The following SLC6A9 variants were observed in gnomAD, a reference collection of about 807,000 sequenced individuals.
SLC6A9 encodes the protein sodium- and chloride-dependent glycine transporter 1.
In SLC6A9, 31 loss-of-function variants were observed where a neutral mutation model predicts 70.9. That is an observed-to-expected ratio of 0.44 (90% CI 0.33 to 0.59). The LOEUF (loss-of-function observed/expected upper bound fraction) is 0.59. Among genes scored for constraint, SLC6A9 ranks in the 20% least tolerant of loss-of-function variants. The probability of loss-of-function intolerance (pLI) is 0.04; values close to 1 mark genes in which losing one functional copy is unlikely to be tolerated. For synonymous variants in SLC6A9, 310 were observed against 341.3 expected (o/e 0.91, Z 1.01); for missense variants, 631 against 845.2 (o/e 0.75, Z 3.14).
chr1:44,010,058 A>C lies in SLC6A9; in HGVS notation c.226T>G (p.Cys76Gly). The C allele has an allele frequency of 6.2e-7, 1 of 1,614,126 alleles. No individual in the cohort carries two copies. Among genetic ancestry groups the C allele is most frequent in the Non-Finnish European group, 8.5e-7 (1 of 1,179,982 alleles). ...TCCATGAAGAAGAGGGGGATCCCGCAGAAGATGAGCATGATGAAGTAGGGG... is the reference window on the plus strand; with the variant it reads ...TCCATGAAGAAGAGGGGGATCCCGCCGAAGATGAGCATGATGAAGTAGGGG... ...MFPYFIMLIF[C>G]GIPLFFMELS... is the part of the protein sequence containing the mutation. The change falls in exon 4 of 14, where the codon TGC becomes GGC. Residue 76 changes from cysteine (C) to glycine (G), a missense_variant. Cys to Gly is a radical substitution (Grantham distance 159, BLOSUM62 -3). Coordinates refer to ENST00000372310, the MANE Select transcript of SLC6A9 (RefSeq NM_001024845.3).
rs1272067826 is a variant in SLC6A9 at position 44,013,159 on chromosome 1, G to C, written c.31-2277C>G. Among the ~76,000 whole-genome samples, 1 of 152,252 alleles carries C rather than the reference G, an allele frequency of 6.6e-6. No homozygotes were observed. Among genetic ancestry groups the C allele is most frequent in the Non-Finnish European group, 1.5e-5 (1 of 68,046 alleles). On this transcript the variant is annotated intron_variant, in intron 2 of 13. Coordinates refer to ENST00000372310, the MANE Select transcript of SLC6A9 (RefSeq NM_001024845.3). The surrounding 1 kb of genome is among the most constrained non-coding windows in gnomAD (Gnocchi z 5.3). ...TGTAAAAGGGACAACTGATGGTCCA[G>C]GATGGACCCATGGGCAGGGTAAGGG...
Position 44,002,431 on chromosome 1 carries a change from C to G in SLC6A9, c.859-15G>C, listed in dbSNP as rs369241038. 1 of 1,613,520 alleles carries G rather than the reference C, an allele frequency of 6.2e-7. No homozygotes were observed. The highest frequency in any genetic ancestry group is 8.5e-7 in the Non-Finnish European group (1 of 1,179,444). On this transcript the variant is annotated splice_polypyrimidine_tract_variant and intron_variant, in intron 7 of 13. Coordinates refer to ENST00000372310, the MANE Select transcript of SLC6A9 (RefSeq NM_001024845.3). The surrounding 1 kb of genome is among the most constrained non-coding windows in gnomAD (Gnocchi z 5.5). ...TCACCCCACACCTGCAGGGAAGGAC[C>G]GGTGGGTGAGGAGCTGTGGGCAGAG...
rs573181848 is a variant in SLC6A9 at position 43,997,513 on chromosome 1, T to G, written c.*32A>C. Reference sequence around the variant, plus strand: ...CAGTCTCTGCGGTGGGAGCACGGGGTGGGGGTGGGGCCACTCCCCTGGCAG... The same window carrying G: ...CAGTCTCTGCGGTGGGAGCACGGGGGGGGGGTGGGGCCACTCCCCTGGCAG... On this transcript the variant is annotated 3_prime_UTR_variant, in exon 14 of 14. Transcript: ENST00000372310. This position sits in a 1 kb window ranked among gnomAD's most constrained non-coding sequence, Gnocchi z 4.4. 80 of 1,549,346 alleles carry G rather than the reference T, an allele frequency of 5.2e-5. No homozygotes were observed. The highest frequency in any genetic ancestry group is 5.9e-5 in the Non-Finnish European group (66 of 1,126,778).
In SLC6A9 at chr1:43,997,657, A is replaced by C. The variant is rs1386126975; in HGVS notation, c.1790T>G (p.Ile597Arg). The change falls in exon 14 of 14, where the codon ATA (isoleucine) becomes AGA (arginine). Residue 597 changes from isoleucine to arginine, a missense_variant. Coordinates refer to ENST00000372310, the MANE Select transcript of SLC6A9 (RefSeq NM_001024845.3). The surrounding 1 kb of genome is among the most constrained non-coding windows in gnomAD (Gnocchi z 4.4). Reference protein sequence around the residue: ...EHRTGRYAPTIAPSPEDGFEV... With the variant: ...EHRTGRYAPTRAPSPEDGFEV... ...GAAGCCGTCCTCAGGAGAGGGGGCT[A>C]TGGTGGGGGCGTAGCGCCCTGTCCG... The C allele has an allele frequency of 1.2e-6, 2 of 1,613,796 alleles. No homozygotes were observed. The highest frequency in any genetic ancestry group is 1.7e-6 in the Non-Finnish European group (2 of 1,179,942).
chr1:43,997,612 G>C lies in SLC6A9; in HGVS notation c.1835C>G (p.Pro612Arg). The change falls in exon 14 of 14, where the codon CCG becomes CGG. Residue 612 changes from proline to arginine, a missense_variant. By Grantham distance (103) the Pro-to-Arg change is moderately radical (BLOSUM62 -2). Transcript: ENST00000372310. The surrounding 1 kb of genome is among the most constrained non-coding windows in gnomAD (Gnocchi z 4.4). ...CACAATGGGGATCTGCGCCTTGTCC[G>C]GGTGCAGTGGCTGGACCTCGAAGCC... ...EDGFEVQPLHPDKAQIPIVGS... is the reference protein window; with the variant it reads ...EDGFEVQPLHRDKAQIPIVGS... The C allele has an allele frequency of 6.2e-7, 1 of 1,613,994 alleles. No individual in the cohort carries two copies. Among genetic ancestry groups the C allele is most frequent in the Non-Finnish European group, 8.5e-7 (1 of 1,180,004 alleles).
intron 1 of SLC6A9, among the ~76,000 whole-genome samples, chr1:44,025,584 G>A (rs907457482): frequency 7.2e-5 from 11 of 151,790 alleles, no homozygotes; most frequent in African/African-American, 2.7e-4. Flanking sequence ...TGGATTACCT[G>A]AGCTCAGGAG....
At chr1:44,006,736 C>G (rs1419894639) in intron 5 of SLC6A9, among the ~76,000 whole-genome samples, 1 of 152,086 alleles carries the variant, frequency 6.6e-6, no homozygotes, top group African/African-American at 2.4e-5. Context: ...CTGAGTCTGC[C>G]CATGCCCCTC....
intron 1 of SLC6A9, among the ~76,000 whole-genome samples, chr1:44,030,962 G>A (rs1470152341): frequency 1.3e-5 from 2 of 151,806 alleles, no homozygotes; most frequent in Admixed American, 6.6e-5. Flanking sequence ...GCCTGCGCCC[G>A]CCGCCCCCGA....
At chr1:44,010,967 G>A (rs1015519027) in intron 2 of SLC6A9, 85 bp from the exon 3 acceptor site, 12 of 1,457,924 alleles carry the variant, frequency 8.2e-6, no homozygotes, top group South Asian at 4.8e-5. Flanking sequence ...CAGGGAAACC[G>A]TGGCCCCTCC....
intron 12 of SLC6A9, among the ~76,000 whole-genome samples, chr1:43,998,487 C>T (rs749253627): frequency 6.6e-6 from 1 of 152,238 alleles, no homozygotes; most frequent in Non-Finnish European, 1.5e-5. Flanking sequence ...GAATCATCCT[C>T]TGCATCTTCC....
chr1:44,006,434 A>G (rs987319220), intron 5 of SLC6A9, among the ~76,000 whole-genome samples: 1 of 151,986 alleles, frequency 6.6e-6, no homozygotes, highest in Non-Finnish European at 1.5e-5. Flanking sequence ...CTAAAAATAC[A>G]AAAACAAGCC....
intron 2 of SLC6A9, among the ~76,000 whole-genome samples, chr1:44,023,946 C>T (rs1463503692): frequency 6.6e-6 from 1 of 152,272 alleles, no homozygotes; most frequent in African/African-American, 2.4e-5. Context: ...GGCGCCTGCA[C>T]AGCCCCGCGT....
At chr1:43,998,613 G>C (rs999071793) in intron 12 of SLC6A9, among the ~76,000 whole-genome samples, 1 of 152,180 alleles carries the variant, frequency 6.6e-6, no homozygotes, top group Non-Finnish European at 1.5e-5. Flanking sequence ...AGAGTGACTT[G>C]GTTTAACGTT....
At chr1:44,000,901 C>T (rs771580122) in intron 11 of SLC6A9, 34 bp from the exon 12 acceptor site, 2 of 1,595,530 alleles carry the variant, frequency 1.3e-6, no homozygotes, top group Middle Eastern at 1.7e-4. Flanking sequence ...ACCCGCAGGA[C>T]AGAGTGGGCG....
chr1:44,016,856 A>C (rs2086762639), intron 2 of SLC6A9, among the ~76,000 whole-genome samples: 1 of 151,056 alleles, frequency 6.6e-6, no homozygotes, highest in Non-Finnish European at 1.5e-5. Context: ...CCCACCACAC[A>C]GCTAACTCTT....
At chr1:43,999,061 G>A (rs1339285840) in intron 12 of SLC6A9, among the ~76,000 whole-genome samples, 2 of 151,830 alleles carry the variant, frequency 1.3e-5, no homozygotes, top group African/African-American at 4.8e-5. Flanking sequence ...TAGAATGCAA[G>A]ACCCACATCC....
chr1:44,018,845 G>C lies in SLC6A9; in HGVS notation c.30+5403C>G, dbSNP rs2086828084. On this transcript the variant is annotated intron_variant, in intron 2 of 13. Coordinates refer to ENST00000372310, the MANE Select transcript of SLC6A9 (RefSeq NM_001024845.3). The surrounding 1 kb of genome is among the most constrained non-coding windows in gnomAD (Gnocchi z 4.2). ...CTCAGGAGACTGAGGAGGGAGTTTT[G>C]CTTGAGCCCAGACGTTGGAAGTTGT... Among the ~76,000 whole-genome samples, 1 of 152,048 alleles carries C rather than the reference G, an allele frequency of 6.6e-6. No homozygotes were observed. Among genetic ancestry groups the C allele is most frequent in the Non-Finnish European group, 1.5e-5 (1 of 68,024 alleles).
In SLC6A9 at chr1:44,010,462, G is replaced by T. The variant is rs998850100; in HGVS notation, c.187+264C>A. ...GAACAGGGAGCCTTGTGGGCGGGGG[G>T]GGGGGGGGGTTAGGTCCTTTTCTCA... On this transcript the variant is annotated intron_variant, in intron 3 of 13. Coordinates refer to ENST00000372310, the MANE Select transcript of SLC6A9 (RefSeq NM_001024845.3). 3.1e-5 allele frequency: 7 copies of T among 229,414 alleles called. 1 individual carries two copies. Among genetic ancestry groups the T allele is most frequent in the East Asian group, 1.8e-4 (2 of 11,104 alleles). The allele number at this position is 229,414 out of a possible 1,614,324, so 14.2% of individuals were successfully genotyped here. A position where few individuals can be genotyped will look rare whatever the true frequency, so the allele number is the denominator to read the frequency against.
At position 44,002,308 on chromosome 1, in the gene SLC6A9, C is replaced by T. The variant is rs2086142961; in HGVS notation, c.962+5G>A. 4 of 1,607,254 alleles carry T rather than the reference C, an allele frequency of 2.5e-6. No individual in the cohort carries two copies. In the South Asian group the frequency reaches 3.3e-5, roughly 13 times the overall value. Reference sequence around the variant, plus strand: ...GGCAGCCTCAGCCCAGCAGGGAGCACTCACCGGTAACAGTTATTGTGGAAC... The same window carrying T: ...GGCAGCCTCAGCCCAGCAGGGAGCATTCACCGGTAACAGTTATTGTGGAAC... On this transcript the variant is annotated splice_donor_5th_base_variant and intron_variant, in intron 8 of 13. Coordinates refer to ENST00000372310, the MANE Select transcript of SLC6A9 (RefSeq NM_001024845.3). The surrounding 1 kb of genome is among the most constrained non-coding windows in gnomAD (Gnocchi z 5.5).
Sources: gnomAD v4.1 joint callset for allele counts (sites outside exome capture counted in the v4.1 genomes callset) on GRCh38, gnomAD v4.1.1 for gene constraint, Gnocchi (gnomAD v3.1) non-coding constraint, MANE v1.5 for transcripts, NCBI Gene and HGNC (gene_info 2026-07-23, HGNC 2026-07-21) for gene names.